The following SMAD9 variants were observed in gnomAD, a reference collection of about 807,000 sequenced individuals.
The protein encoded by SMAD9 is SMAD family member 9.
SMAD9 carries 36 observed loss-of-function variants against 46.1 expected under a neutral mutation model. That is an observed-to-expected ratio of 0.78 (90% CI 0.60 to 1.03). The LOEUF (loss-of-function observed/expected upper bound fraction) is 1.03, where lower values mean the gene tolerates loss of function less well. Among genes scored for constraint, SMAD9 ranks in the 50% least tolerant of loss-of-function variants. The pLI, the probability that SMAD9 is intolerant of heterozygous loss-of-function variation, is 0.00. For synonymous variants in SMAD9, 245 were observed against 237.1 expected, an observed-to-expected ratio of 1.03 and a Z score of -0.31; for missense variants, 572 against 599.8, an observed-to-expected ratio of 0.95 and a Z score of 0.48.
chr13:36,858,859 G>A (rs12873063), intron 5 of SMAD9, among the ~76,000 whole-genome samples: 1 of 151,994 alleles, frequency 6.6e-6, no homozygotes, highest in East Asian at 1.9e-4. Context: ...ACAGATGCAC[G>A]CCGCCATACT....
chr13:36,848,630 C>T lies in SMAD9; in HGVS notation c.*46G>A, dbSNP rs766497551. On this transcript the variant is annotated 3_prime_UTR_variant, in exon 7 of 7. Transcript: ENST00000379826. ...AATCTGAAATGATACAAGCCACTCC[C>T]TGCAATAGCCTCTATCCTATGGAAA... 1.9e-6 allele frequency: 3 copies of T among 1,589,708 alleles called. No homozygotes were observed. In the Admixed American group the frequency reaches 5.0e-5, roughly 27 times the overall value.
rs1158913387 is a variant in SMAD9 at position 36,908,790 on chromosome 13, C to T, written c.-187+11326G>A. ...AATTATGGTGGGAGGAGAAAGAACA[C>T]ACACAATCTCACTGTAAAATCAGAG... On this transcript the variant is annotated intron_variant, in intron 1 of 6. Transcript: ENST00000379826. Among the ~76,000 whole-genome samples the T allele has an allele frequency of 2.0e-5, 3 of 152,152 alleles. No homozygotes were observed. The East Asian group carries it at 5.8e-4, about 29-fold the overall frequency.
At chr13:36,918,377 T>G (rs1037493169) in intron 1 of SMAD9, among the ~76,000 whole-genome samples, 1 of 152,162 alleles carries the variant, frequency 6.6e-6, no homozygotes. Context: ...AGCTCAAGCA[T>G]AAAACAGCTC....
rs117173300 is a variant in SMAD9, at chr13:36,875,496, A to G, written c.413-2581T>C. On this transcript the variant is annotated intron_variant, in intron 2 of 6. Coordinates refer to ENST00000379826, the MANE Select transcript of SMAD9 (RefSeq NM_001127217.3). ...TGACACCAGAGAACAAACATTCAAC[A>G]TCACCATCAAACAGTGACATGGATC... 1.5e-3 allele frequency among the ~76,000 whole-genome samples: 226 copies of G among 152,334 alleles called. 5 individuals carry two copies. The East Asian group carries it at 0.038, about 25-fold the overall frequency.
Position 36,851,648 on chromosome 13 carries a change from T to C in SMAD9, c.1260+1771A>G, listed in dbSNP as rs528227638. On this transcript the variant is annotated intron_variant, in intron 6 of 6. Coordinates refer to ENST00000379826, the MANE Select transcript of SMAD9 (RefSeq NM_001127217.3). ...TTGACTGACTAAGTCCTAGAATCAG[T>C]AAAAATCAGAGCTGAAAGAAACCTT... 4.4e-5 allele frequency: 31 copies of C among 707,226 alleles called. No individual in the cohort carries two copies. The African/African-American group carries it at 5.6e-4, about 13-fold the overall frequency. The allele number at this position is 707,226 out of a possible 1,614,324, so 43.8% of individuals were successfully genotyped here.
chr13:36,915,487 C>T (rs905620416), intron 1 of SMAD9, among the ~76,000 whole-genome samples: 1 of 151,908 alleles, frequency 6.6e-6, no homozygotes, highest in African/African-American at 2.4e-5. Flanking sequence ...AGGGGAAATT[C>T]ACATAAAAAT....
intron 1 of SMAD9, among the ~76,000 whole-genome samples, chr13:36,901,852 G>A (rs866456407): frequency 6.6e-6 from 1 of 152,196 alleles, no homozygotes; most frequent in Non-Finnish European, 1.5e-5. Context: ...ATTGGGTTGT[G>A]TGTATTTTTG....
chr13:36,904,894 G>T (rs529684035), intron 1 of SMAD9, among the ~76,000 whole-genome samples: 1 of 152,184 alleles, frequency 6.6e-6, no homozygotes, highest in Non-Finnish European at 1.5e-5. Flanking sequence ...TGGTGCCTAG[G>T]ATATAGTAGA....
intron 5 of SMAD9, among the ~76,000 whole-genome samples, chr13:36,860,761 G>A (rs1478533402): frequency 6.6e-6 from 1 of 151,908 alleles, no homozygotes; most frequent in Non-Finnish European, 1.5e-5. Flanking sequence ...CCACCAGCGT[G>A]TCTCTTAGAT....
chr13:36,860,639 G>C (rs573619189), intron 5 of SMAD9, among the ~76,000 whole-genome samples: 58 of 151,740 alleles, frequency 3.8e-4, no homozygotes, highest in African/African-American at 1.4e-3. Flanking sequence ...TTTTTTAGTA[G>C]AGACGGGGTT....
intron 5 of SMAD9, among the ~76,000 whole-genome samples, chr13:36,859,296 T>C (rs868297444): frequency 6.6e-6 from 1 of 152,174 alleles, no homozygotes; most frequent in Non-Finnish European, 1.5e-5. Context: ...AAATACCACC[T>C]GGACATGCAG....
At chr13:36,914,757 T>C (rs75295149) in intron 1 of SMAD9, among the ~76,000 whole-genome samples, 1 of 152,186 alleles carries the variant, frequency 6.6e-6, no homozygotes, top group African/African-American at 2.4e-5. Context: ...AATGTGGTAC[T>C]ACCAAGTCAG....
chr13:36,883,997 A>G (rs2058425093), intron 1 of SMAD9, among the ~76,000 whole-genome samples: 1 of 152,080 alleles, frequency 6.6e-6, no homozygotes, highest in Non-Finnish European at 1.5e-5. Context: ...CCAGGACTCC[A>G]TGGCTGTTGG....
chr13:36,862,081 T>A lies in SMAD9; in HGVS notation c.1003+3456A>T, dbSNP rs541645256. 1.2e-4 allele frequency among the ~76,000 whole-genome samples: 19 copies of A among 152,126 alleles called. No homozygotes were observed. The South Asian group carries it at 3.5e-3, about 28-fold the overall frequency. On this transcript the variant is annotated intron_variant, in intron 5 of 6. Transcript: ENST00000379826. The stretch of plus-strand genomic sequence containing the variant: ...CCCGCAACAATTTGAATGGACCCCC[T>A]CTCCTCAGCCAGGGAGCTCTAAAAT...
chr13:36,917,399 A>ATTT (rs58671007), intron 1 of SMAD9, among the ~76,000 whole-genome samples: 377 of 148,070 alleles, frequency 2.5e-3, no homozygotes, highest in East Asian at 0.012. Context: ...TACTGTTTGC[A>ATTT]TTTTTTTTTT....
intron 5 of SMAD9, among the ~76,000 whole-genome samples, chr13:36,862,775 C>A (rs186770224): frequency 2.6e-5 from 4 of 152,128 alleles, no homozygotes; most frequent in African/African-American, 9.7e-5. Flanking sequence ...GGGTCTGAAT[C>A]GGGACACCTT....
At chr13:36,909,142 T>G (rs1179252412) in intron 1 of SMAD9, among the ~76,000 whole-genome samples, 1 of 152,216 alleles carries the variant, frequency 6.6e-6, no homozygotes, top group Non-Finnish European at 1.5e-5. Flanking sequence ...TTTTTTAAAT[T>G]AAAGAAACTA....
chr13:36,853,508 C>T lies in SMAD9; in HGVS notation c.1171G>A (p.Ala391Thr), dbSNP rs148698551. 100 of 1,614,000 alleles carry T rather than the reference C, an allele frequency of 6.2e-5. No individual in the cohort carries two copies. Among genetic ancestry groups the T allele is most frequent in the African/African-American group, 1.6e-4 (12 of 74,912 alleles). The change falls in exon 6 of 7, where the codon GCT becomes ACT. Residue 391 changes from alanine to threonine, a missense_variant. By Grantham distance (58) the Ala-to-Thr change is moderately conservative (BLOSUM62 0). Coordinates refer to ENST00000379826, the MANE Select transcript of SMAD9 (RefSeq NM_001127217.3). ...SLKVFNNQLF[A>T]QLLAQSVHHG... is the part of the protein sequence containing the mutation. ...TGAACTGACTGGGCCAGGAGCTGAG[C>T]GAAGAGCTGGTTGTTGAAGACCTTG... is the stretch of plus-strand genomic sequence containing the variant.
At chr13:36,895,763 T>A (rs2058522864) in intron 1 of SMAD9, among the ~76,000 whole-genome samples, 1 of 152,176 alleles carries the variant, frequency 6.6e-6, no homozygotes, top group Non-Finnish European at 1.5e-5. Flanking sequence ...GCTTTTTTTT[T>A]AAGTTGGCCT....
Sources: gnomAD v4.1 joint callset for allele counts (sites outside exome capture counted in the v4.1 genomes callset) on GRCh38, gnomAD v4.1.1 for gene constraint, MANE v1.5 for transcripts, NCBI Gene and HGNC (gene_info 2026-07-23, HGNC 2026-07-21) for gene names.